Variants in TENM3 observed in about 807,000 individuals in gnomAD.
TENM3 encodes teneurin transmembrane protein 3, also known as teneurin-3.
In TENM3, 63 loss-of-function variants were observed where a neutral mutation model predicts 255.1. The observed-to-expected ratio is 0.25, with a 90% CI of 0.20 to 0.30. TENM3 has a LOEUF of 0.30. TENM3 is among the 10% of genes least tolerant of loss of function. The probability of loss-of-function intolerance (pLI) is 1.00; values close to 1 mark genes in which losing one functional copy is unlikely to be tolerated. For missense variants in TENM3, 2,929 were observed against 3,461.1 expected (o/e 0.85, Z 3.86); for synonymous variants, 1,306 against 1,322.3 (o/e 0.99, Z 0.27).
the TENM3 span, among the ~76,000 whole-genome samples, chr4:182,137,342 C>G: frequency 1.4e-4 from 21 of 151,688 alleles, no homozygotes; most frequent in Admixed American, 5.3e-4. Context: ...CTCCCCCCCC[C>G]CAAAAAGGAA....
chr4:182,233,992 A>T (rs1001793375), intron 1 of TENM3, among the ~76,000 whole-genome samples: 7 of 152,146 alleles, frequency 4.6e-5, no homozygotes, highest in African/African-American at 1.7e-4. Flanking sequence ...CTGTGTTTCA[A>T]CTTGGGGAGT....
the TENM3 span, among the ~76,000 whole-genome samples, chr4:181,548,024 T>C: frequency 5.9e-5 from 9 of 152,004 alleles, no homozygotes; most frequent in African/African-American, 2.2e-4. Flanking sequence ...GTGTTCTCAT[T>C]GTTCAATTCC....
intron 22 of TENM3, 28 bp downstream of exon 22, chr4:182,755,287 TA>T: frequency 6.7e-7 from 1 of 1,491,036 alleles, no homozygotes; most frequent in Non-Finnish European, 9.0e-7. Flanking sequence ...CTACTCTGAT[TA>T]TAAAATACTG....
intron 1 of TENM3, among the ~76,000 whole-genome samples, chr4:182,301,137 T>C (rs146308456): frequency 6.6e-6 from 1 of 152,304 alleles, no homozygotes; most frequent in African/African-American, 2.4e-5. Context: ...CCTTTCACCG[T>C]TTCCTATATT....
At chr4:182,152,389 C>T (rs1051922528) in intron 1 of TENM3, among the ~76,000 whole-genome samples, 2 of 151,864 alleles carry the variant, frequency 1.3e-5, no homozygotes, top group Admixed American at 1.3e-4. Flanking sequence ...AAAGTTGTTA[C>T]TTGTATGTAA....
intron 3 of TENM3, among the ~76,000 whole-genome samples, chr4:182,564,915 G>C (rs1743620084): frequency 6.6e-6 from 1 of 152,116 alleles, no homozygotes; most frequent in Non-Finnish European, 1.5e-5. Context: ...TTTCTGAACA[G>C]CTCATTACAA....
intron 22 of TENM3, among the ~76,000 whole-genome samples, chr4:182,767,090 A>T (rs1253973705): frequency 6.6e-6 from 1 of 152,176 alleles, no homozygotes; most frequent in Non-Finnish European, 1.5e-5. Context: ...TGGTGATAGA[A>T]GCATTTTCTA....
At chr4:182,738,959 A>G (rs1461567652) in intron 18 of TENM3, among the ~76,000 whole-genome samples, 1 of 152,026 alleles carries the variant, frequency 6.6e-6, no homozygotes, top group African/African-American at 2.4e-5. Context: ...GTTTTTTAAA[A>G]TAAAGAAAAA....
At chr4:181,676,016 A>G in the TENM3 span, among the ~76,000 whole-genome samples, 1 of 152,038 alleles carries the variant, frequency 6.6e-6, no homozygotes, top group Non-Finnish European at 1.5e-5. Flanking sequence ...CATTTTCAAT[A>G]TGTTGTCCAA....
the TENM3 span, among the ~76,000 whole-genome samples, chr4:182,090,853 CT>C: frequency 6.6e-6 from 1 of 152,166 alleles, no homozygotes; most frequent in African/African-American, 2.4e-5. Flanking sequence ...ATTAAACATA[CT>C]TTCTGTCTTC....
At chr4:182,148,592 T>G (rs1750118925) in intron 1 of TENM3, among the ~76,000 whole-genome samples, 1 of 152,118 alleles carries the variant, frequency 6.6e-6, no homozygotes, top group African/African-American at 2.4e-5. Flanking sequence ...TTGTTTGTAT[T>G]AACATTCTAG....
chr4:182,114,829 T>A, the TENM3 span, among the ~76,000 whole-genome samples: 1 of 152,224 alleles, frequency 6.6e-6, no homozygotes, highest in African/African-American at 2.4e-5. Flanking sequence ...TTATTTATTT[T>A]TGGCCAGGAC....
At chr4:182,363,688 T>C (rs1381564727) in intron 3 of TENM3, among the ~76,000 whole-genome samples, 1 of 152,012 alleles carries the variant, frequency 6.6e-6, no homozygotes, top group African/African-American at 2.4e-5. Context: ...GAAATAGAAA[T>C]AGGCCTTTAA....
At chr4:182,128,748 C>T in the TENM3 span, among the ~76,000 whole-genome samples, 17 of 152,250 alleles carry the variant, frequency 1.1e-4, no homozygotes, top group South Asian at 3.1e-3. Context: ...CTAAATTTAT[C>T]ATTAAATAGG....
intron 4 of TENM3, among the ~76,000 whole-genome samples, chr4:182,619,431 A>G (rs994957132): frequency 1.3e-5 from 2 of 150,934 alleles, no homozygotes; most frequent in Non-Finnish European, 3.0e-5. Flanking sequence ...CTCCATCTCA[A>G]AAAAAAAAAC....
At chr4:181,552,933 C>T in the TENM3 span, among the ~76,000 whole-genome samples, 51,057 of 152,122 alleles carry the variant, frequency 0.34, 9,019 homozygotes, top group Non-Finnish European at 0.4. Flanking sequence ...TGCACACAGA[C>T]ACGCACGCAC....
intron 22 of TENM3, among the ~76,000 whole-genome samples, chr4:182,769,801 A>G (rs1238920634): frequency 7.2e-6 from 1 of 138,692 alleles, no homozygotes; most frequent in Non-Finnish European, 1.6e-5. Context: ...AAATAAATAC[A>G]TAAATAAAGA....
At chr4:181,690,538 A>T in the TENM3 span, among the ~76,000 whole-genome samples, 2 of 152,188 alleles carry the variant, frequency 1.3e-5, no homozygotes, top group South Asian at 4.1e-4. Flanking sequence ...TAAAAAATAC[A>T]TATGTATAAA....
intron 3 of TENM3, among the ~76,000 whole-genome samples, chr4:182,448,268 G>A (rs1580577557): frequency 6.6e-6 from 1 of 152,156 alleles, no homozygotes; most frequent in Non-Finnish European, 1.5e-5. Flanking sequence ...GGTGGCCGAG[G>A]CCCAGGGGCG....
Sources: allele counts gnomAD v4.1 joint callset (sites outside exome capture counted in the v4.1 genomes callset), GRCh38; gene constraint gnomAD v4.1.1; transcripts MANE v1.5; gene names NCBI Gene and HGNC (gene_info 2026-07-23, HGNC 2026-07-21).